The following CTNNA3 variants were observed in gnomAD, a reference collection of about 807,000 sequenced individuals.
CTNNA3 encodes catenin alpha 3.
CTNNA3 carries 76 observed loss-of-function variants against 95.7 expected under a neutral mutation model. The observed-to-expected ratio is 0.79, with a 90% CI of 0.66 to 0.96. The LOEUF (loss-of-function observed/expected upper bound fraction) is 0.96. CTNNA3 is among the 40% of genes least tolerant of loss of function. The probability of loss-of-function intolerance (pLI) is 0.00; values close to 1 mark genes in which losing one functional copy is unlikely to be tolerated. For synonymous variants in CTNNA3, 431 were observed against 374.4 expected (o/e 1.15, Z -1.74); for missense variants, 1,191 against 1,089.8 (o/e 1.09, Z -1.31).
intron 7 of CTNNA3, among the ~76,000 whole-genome samples, chr10:67,161,053 C>T (rs1045189886): frequency 2.6e-5 from 4 of 151,984 alleles, no homozygotes; most frequent in African/African-American, 9.7e-5. Flanking sequence ...AGTTGCCATT[C>T]AACAGGTATA....
chr10:67,209,559 T>C (rs1236899321), intron 6 of CTNNA3, among the ~76,000 whole-genome samples: 2 of 152,154 alleles, frequency 1.3e-5, no homozygotes, highest in African/African-American at 4.8e-5. Context: ...CAAATATGTA[T>C]AAATACAACT....
intron 13 of CTNNA3, among the ~76,000 whole-genome samples, chr10:66,161,305 T>C (rs1372968775): frequency 1.3e-5 from 2 of 152,210 alleles, no homozygotes; most frequent in Non-Finnish European, 2.9e-5. Flanking sequence ...GTGTGATTTA[T>C]GGTTTAAAGA....
At chr10:66,970,791 A>T (rs1849677144) in intron 7 of CTNNA3, among the ~76,000 whole-genome samples, 1 of 152,136 alleles carries the variant, frequency 6.6e-6, no homozygotes, top group Admixed American at 6.6e-5. Flanking sequence ...TATTTGAATT[A>T]TACCAAAAAA....
At chr10:66,185,508 A>G (rs954957799) in intron 13 of CTNNA3, among the ~76,000 whole-genome samples, 6 of 152,052 alleles carry the variant, frequency 3.9e-5, no homozygotes, top group Non-Finnish European at 5.9e-5. Context: ...ACGAAAAATG[A>G]CAGAAAGACA....
At chr10:66,375,589 CAAA>C (rs35007442) in intron 12 of CTNNA3, among the ~76,000 whole-genome samples, 1 of 139,066 alleles carries the variant, frequency 7.2e-6, no homozygotes, top group African/African-American at 2.6e-5. Flanking sequence ...GCTGCAATGC[CAAA>C]AAAAAAAAGC....
chr10:67,249,159 C>T (rs1026868184), intron 5 of CTNNA3, among the ~76,000 whole-genome samples: 5 of 151,970 alleles, frequency 3.3e-5, no homozygotes, highest in African/African-American at 1.2e-4. Context: ...AGACAATATA[C>T]AGAATAATAG....
At chr10:67,422,708 G>GT (rs1400215805) in intron 5 of CTNNA3, among the ~76,000 whole-genome samples, 1 of 152,076 alleles carries the variant, frequency 6.6e-6, no homozygotes, top group African/African-American at 2.4e-5. Context: ...CTCCACCATG[G>GT]TAAGATGTGC....
intron 9 of CTNNA3, among the ~76,000 whole-genome samples, chr10:66,732,188 C>G (rs1218961996): frequency 6.6e-6 from 1 of 152,186 alleles, no homozygotes; most frequent in African/African-American, 2.4e-5. Context: ...AGATTTGAGT[C>G]AGCTAGACTA....
At chr10:66,819,236 T>TG (rs1291643693) in intron 7 of CTNNA3, among the ~76,000 whole-genome samples, 3 of 151,984 alleles carry the variant, frequency 2.0e-5, no homozygotes, top group African/African-American at 7.3e-5. Context: ...ATAATTCAAA[T>TG]GTGAAAAATA....
chr10:66,416,582 C>A (rs939238311), intron 11 of CTNNA3, among the ~76,000 whole-genome samples: 1 of 151,404 alleles, frequency 6.6e-6, no homozygotes, highest in African/African-American at 2.4e-5. Context: ...ATCTAGTCAC[C>A]TATAAGAAAC....
rs547655767 is a variant in CTNNA3, at chr10:66,345,406, G to A, written c.1732+33746C>T. On this transcript the variant is annotated intron_variant, in intron 12 of 17. Transcript: ENST00000433211. ...TTCCATATTGATTTTGATGACCAGC[G>A]TTAAATCAGGCAGTGTGAATGGCTG... is the stretch of plus-strand genomic sequence containing the variant. Among the ~76,000 whole-genome samples the A allele has an allele frequency of 2.2e-4, 33 of 152,166 alleles. No individual in the cohort carries two copies. The East Asian group carries it at 3.9e-3, about 18-fold the overall frequency.
chr10:66,713,760 CCCAATAAAACCCT>C (rs1279784373), intron 9 of CTNNA3, among the ~76,000 whole-genome samples: 1 of 152,030 alleles, frequency 6.6e-6, no homozygotes, highest in Non-Finnish European at 1.5e-5. Context: ...AGTCACTCCT[CCCAATAAAACCCT>C]CCAGTAATAT....
intron 7 of CTNNA3, among the ~76,000 whole-genome samples, chr10:66,840,769 TTCTC>T (rs967505837): frequency 1.3e-4 from 20 of 150,160 alleles, no homozygotes; most frequent in Non-Finnish European, 2.7e-4. Context: ...TTCATATTTG[TTCTC>T]TCTCTCTCTC....
At chr10:65,986,864 C>A (rs1433457443) in intron 16 of CTNNA3, among the ~76,000 whole-genome samples, 6 of 147,700 alleles carry the variant, frequency 4.1e-5, no homozygotes, top group East Asian at 4.0e-4. Context: ...AAAAAAAAAA[C>A]CACATAGACC....
chr10:66,242,747 C>A (rs188526532), intron 13 of CTNNA3, among the ~76,000 whole-genome samples: 7 of 152,172 alleles, frequency 4.6e-5, no homozygotes, highest in African/African-American at 1.4e-4. Context: ...TAGCCCTCAC[C>A]CTGGCAATTC....
chr10:67,343,612 C>T (rs923115507), intron 5 of CTNNA3, among the ~76,000 whole-genome samples: 4 of 151,588 alleles, frequency 2.6e-5, no homozygotes, highest in African/African-American at 7.3e-5. Context: ...TTGCATCCTA[C>T]AGCTTTACTG....
Position 67,499,769 on chromosome 10 carries a change from G to A in CTNNA3, c.579+22073C>T, listed in dbSNP as rs752769774. On this transcript the variant is annotated intron_variant, in intron 5 of 17. Transcript: ENST00000433211. The stretch of plus-strand genomic sequence containing the variant: ...TGGTAGTTTGTATTTCTGTGGGATC[G>A]GTGGTGATATCCCTTTATCATTTTT... Among the ~76,000 whole-genome samples, 18 of 152,100 alleles carry A rather than the reference G, an allele frequency of 1.2e-4. No homozygotes were observed. The East Asian group carries it at 2.3e-3, about 20-fold the overall frequency.
At chr10:66,654,800 T>A (rs1228806505) in intron 9 of CTNNA3, among the ~76,000 whole-genome samples, 4 of 152,116 alleles carry the variant, frequency 2.6e-5, no homozygotes, top group African/African-American at 9.7e-5. Flanking sequence ...TCCTGTCATT[T>A]GAGATGACAT....
At position 67,549,709 on chromosome 10, in the gene CTNNA3, G is replaced by A. The variant is rs1446955807; in HGVS notation, c.293-10040C>T. ...ATGAATGTTTTTTATATTTTTAAAG[G>A]TTGGGAAAAAATCAAAAGAATAATA... On this transcript the variant is annotated intron_variant, in intron 3 of 17. Transcript: ENST00000433211. Among the ~76,000 whole-genome samples the A allele has an allele frequency of 2.0e-5, 3 of 152,172 alleles. No individual in the cohort carries two copies. In the East Asian group the frequency reaches 5.8e-4, roughly 29 times the overall value.
Sources: allele counts gnomAD v4.1 joint callset (sites outside exome capture counted in the v4.1 genomes callset), GRCh38; gene constraint gnomAD v4.1.1; transcripts MANE v1.5; gene names NCBI Gene and HGNC (gene_info 2026-07-23, HGNC 2026-07-21).